GRID2: variants seen among roughly 807,000 people sequenced by gnomAD.
GRID2 encodes the protein glutamate receptor ionotropic, delta-2.
GRID2 carries 33 observed loss-of-function variants against 114.8 expected under a neutral mutation model. The observed-to-expected ratio is 0.29, with a 90% confidence interval of 0.22 to 0.38. The LOEUF (loss-of-function observed/expected upper bound fraction) is 0.38, where lower values mean the gene tolerates loss of function less well. Ranked by LOEUF, GRID2 falls within the 10% of genes least tolerant of loss-of-function variation. GRID2 has a pLI of 1.00. For synonymous variants in GRID2, 505 were observed against 449.9 expected (o/e 1.12, Z -1.55); for missense variants, 1,184 against 1,257.7 (o/e 0.94, Z 0.89).
chr4:93,168,584 T>C (rs1738486931), intron 4 of GRID2, among the ~76,000 whole-genome samples: 1 of 152,100 alleles, frequency 6.6e-6, no homozygotes, highest in African/African-American at 2.4e-5. Context: ...TAAATAATAG[T>C]CATCTCTTTT....
chr4:92,455,234 G>C (rs1721146305), intron 1 of GRID2, among the ~76,000 whole-genome samples: 2 of 152,070 alleles, frequency 1.3e-5, no homozygotes, highest in Non-Finnish European at 2.9e-5. Context: ...CATCTATTGA[G>C]CAAGTATTTT....
chr4:93,661,422 G>A (rs1205691257), intron 14 of GRID2, among the ~76,000 whole-genome samples: 3 of 152,064 alleles, frequency 2.0e-5, no homozygotes, highest in African/African-American at 7.2e-5. Flanking sequence ...GACACTGAAC[G>A]GTGCTGAAGT....
chr4:92,611,006 T>A (rs978547758), intron 2 of GRID2, among the ~76,000 whole-genome samples: 1 of 149,540 alleles, frequency 6.7e-6, no homozygotes, highest in African/African-American at 2.5e-5. Context: ...TAATGAATAT[T>A]TATTGAATAG....
chr4:93,491,248 T>C (rs1253520893), intron 12 of GRID2, among the ~76,000 whole-genome samples: 1 of 151,812 alleles, frequency 6.6e-6, no homozygotes, highest in African/African-American at 2.4e-5. Context: ...GGAATAGCAA[T>C]CAACAGAAAA....
intron 10 of GRID2, among the ~76,000 whole-genome samples, chr4:93,447,762 A>C (rs751155995): frequency 6.6e-6 from 1 of 151,938 alleles, no homozygotes; most frequent in Non-Finnish European, 1.5e-5. Flanking sequence ...AAGTTACCCA[A>C]TTAATTCTGA....
intron 1 of GRID2, among the ~76,000 whole-genome samples, chr4:93,798,108 G>A (rs571723418): frequency 1.3e-4 from 20 of 152,166 alleles, no homozygotes; most frequent in Non-Finnish European, 2.1e-4. Flanking sequence ...AGCCGAGATC[G>A]CACCATCGCA....
intron 9 of GRID2, among the ~76,000 whole-genome samples, chr4:93,405,221 C>A (rs143304847): frequency 7.2e-5 from 11 of 152,070 alleles, no homozygotes; most frequent in African/African-American, 2.7e-4. Context: ...TTTTTATAAA[C>A]AGACTCTTAA....
In GRID2 at chr4:92,894,684, G is replaced by T. The variant is rs147050167; in HGVS notation, c.245-190311G>T. 2.7e-3 allele frequency among the ~76,000 whole-genome samples: 405 copies of T among 152,162 alleles called. 5 individuals carry two copies. The highest frequency in any genetic ancestry group is 9.4e-3 in the African/African-American group (391 of 41,528). The stretch of plus-strand genomic sequence containing the variant: ...GGGGAACACGTTTAAAAGAACAATT[G>T]TCTAACTGAAATAAATTCAGCAAAA... On this transcript the variant is annotated intron_variant, in intron 2 of 15. Transcript: ENST00000282020.
chr4:92,871,527 G>C (rs530903110), intron 2 of GRID2, among the ~76,000 whole-genome samples: 3 of 152,122 alleles, frequency 2.0e-5, no homozygotes, highest in South Asian at 2.1e-4. Context: ...CCATGTCCTG[G>C]TATTTATGCC....
intron 13 of GRID2, among the ~76,000 whole-genome samples, chr4:93,577,228 C>T (rs2149588319): frequency 6.6e-6 from 1 of 151,674 alleles, no homozygotes; most frequent in Non-Finnish European, 1.5e-5. Context: ...GGAATAAGGT[C>T]AAAGTACAAT....
rs1176896378 is a variant in GRID2, at chr4:93,122,614, G to T, written c.735+11661G>T. On this transcript the variant is annotated intron_variant, in intron 4 of 15. Transcript: ENST00000282020. ...CTCTTTCCATGGGCCCAATAGTTAT[G>T]GGTCATCAAGTAGCAGATAGTGGCC... 7.9e-5 allele frequency among the ~76,000 whole-genome samples: 12 copies of T among 151,964 alleles called. No homozygotes were observed. In the East Asian group the frequency reaches 2.1e-3, roughly 27 times the overall value.
chr4:92,694,609 A>C (rs1217051472), intron 2 of GRID2, among the ~76,000 whole-genome samples: 1 of 152,096 alleles, frequency 6.6e-6, no homozygotes, highest in East Asian at 1.9e-4. Flanking sequence ...TAGTTTCATT[A>C]TTTTCAATTT....
chr4:93,446,603 T>G (rs1173928475), intron 10 of GRID2, among the ~76,000 whole-genome samples: 1 of 152,036 alleles, frequency 6.6e-6, no homozygotes, highest in African/African-American at 2.4e-5. Context: ...CTAAAGTGAA[T>G]TGAAGATCTC....
intron 2 of GRID2, among the ~76,000 whole-genome samples, chr4:92,625,657 A>G (rs140474518): frequency 7.0e-4 from 106 of 151,960 alleles, no homozygotes; most frequent in African/African-American, 2.4e-3. Flanking sequence ...TAAATTGAAA[A>G]TAACAATATT....
chr4:92,941,733 G>C (rs1260407027), intron 2 of GRID2, among the ~76,000 whole-genome samples: 1 of 152,148 alleles, frequency 6.6e-6, no homozygotes, highest in African/African-American at 2.4e-5. Context: ...TCTACACACT[G>C]CTTTGAATGT....
intron 1 of GRID2, among the ~76,000 whole-genome samples, chr4:92,558,959 T>G (rs1344727865): frequency 1.3e-5 from 2 of 152,150 alleles, no homozygotes; most frequent in Non-Finnish European, 2.9e-5. Context: ...TTTAATAAAT[T>G]TACTGTGACT....
chr4:93,275,961 T>C (rs549165255), intron 8 of GRID2, among the ~76,000 whole-genome samples: 3 of 152,126 alleles, frequency 2.0e-5, no homozygotes, highest in Admixed American at 2.0e-4. Context: ...ATAAGAGTTT[T>C]ATATTTTTTG....
At chr4:93,589,757 A>C (rs1737981765) in intron 13 of GRID2, among the ~76,000 whole-genome samples, 1 of 152,198 alleles carries the variant, frequency 6.6e-6, no homozygotes, top group African/African-American at 2.4e-5. Context: ...AACTGGTGTG[A>C]GATGGTATCT....
At chr4:93,224,483 C>A in intron 6 of GRID2, 131 bp from the exon 7 acceptor site, 1 of 553,526 alleles carries the variant, frequency 1.8e-6, no homozygotes, top group Non-Finnish European at 3.2e-6. Flanking sequence ...CAAAAGAAAC[C>A]TTCTGCTTAA....
Sources: allele counts gnomAD v4.1 joint callset (sites outside exome capture counted in the v4.1 genomes callset), GRCh38; gene constraint gnomAD v4.1.1; transcripts MANE v1.5; gene names NCBI Gene and HGNC (gene_info 2026-07-23, HGNC 2026-07-21).